The following PSMA6 variants were observed in gnomAD, a reference collection of about 807,000 sequenced individuals.
PSMA6 encodes the protein proteasome 20S subunit alpha 6, also known as proteasome subunit alpha type-6.
For synonymous variants in PSMA6, 88 were observed against 97.7 expected (o/e 0.90, Z 0.59); for missense variants, 170 against 294.8 (o/e 0.58, Z 3.10).
At chr14:35,299,022 C>T (rs1269127975) in intron 1 of PSMA6, among the ~76,000 whole-genome samples, 1 of 151,280 alleles carries the variant, frequency 6.6e-6, no homozygotes, top group African/African-American at 2.4e-5. Context: ...GCGTGAGTCA[C>T]TGCGTCCAGC....
chr14:35,290,035 T>C (rs2051461234), upstream of PSMA6, among the ~76,000 whole-genome samples: 2 of 151,460 alleles, frequency 1.3e-5, no homozygotes, highest in African/African-American at 4.9e-5. Flanking sequence ...TTGGAAAATG[T>C]GGTACAAGGG....
chr14:35,292,283 C>T, upstream of PSMA6: 7 of 1,401,498 alleles, frequency 5.0e-6, no homozygotes, highest in Non-Finnish European at 6.5e-6. Flanking sequence ...CTCACTCCAC[C>T]ACCCCCTTAG....
chr14:35,307,881 A>G, intron 1 of PSMA6, 113 bp from the exon 2 acceptor site: 1 of 942,278 alleles, frequency 1.1e-6, no homozygotes, highest in South Asian at 1.6e-5. Flanking sequence ...GGAATGCTAT[A>G]TGAGCATTCT....
chr14:35,285,601 A>G lies in PSMA6; in HGVS notation c.19+6883A>G, dbSNP rs935609608. 2.8e-4 allele frequency among the ~76,000 whole-genome samples: 42 copies of G among 152,228 alleles called. 1 individual carries two copies. Among genetic ancestry groups the G allele is most frequent in the African/African-American group, 9.9e-4 (41 of 41,472 alleles). ...AGCCAATTAGGAAACCTCAAGGAAGAGGAAGTGTCTCTAGGCTAAAGGGAA... is the reference window on the plus strand; with the variant it reads ...AGCCAATTAGGAAACCTCAAGGAAGGGGAAGTGTCTCTAGGCTAAAGGGAA... On this transcript the variant is annotated intron_variant, in intron 1 of 6. Coordinates refer to the PSMA6 transcript ENST00000540871.
In PSMA6 at chr14:35,308,058, T is replaced by G; in HGVS notation, c.141T>G (p.Cys47Trp). 6.2e-7 allele frequency: 1 copy of G among 1,614,010 alleles called. No homozygotes were observed. Among genetic ancestry groups the G allele is most frequent in the Non-Finnish European group, 8.5e-7 (1 of 1,179,902 alleles). Reference sequence around the variant, plus strand: ...CAGTAGCTGTCAGAGGGAAAGACTGTGCAGTAATTGTCACACAGAAGAAAG... The same window carrying G: ...CAGTAGCTGTCAGAGGGAAAGACTGGGCAGTAATTGTCACACAGAAGAAAG... Reference protein sequence around the residue: ...LTSVAVRGKDCAVIVTQKKVP... With the variant: ...LTSVAVRGKDWAVIVTQKKVP... The change falls in exon 2 of 7, where the codon TGT (cysteine) becomes TGG (tryptophan). Residue 47 changes from cysteine (C) to tryptophan (W), a missense_variant. By Grantham distance (215) the Cys-to-Trp change is radical. Coordinates refer to ENST00000261479, the MANE Select transcript of PSMA6 (RefSeq NM_002791.3).
chr14:35,315,582 C>T (rs1052597371), intron 6 of PSMA6: 3 of 151,484 alleles, frequency 2.0e-5, no homozygotes, highest in East Asian at 1.9e-4. Flanking sequence ...AAAAAACAAC[C>T]GACAACACCA....
intron 5 of PSMA6, chr14:35,314,154 G>A (rs1566563992): frequency 5.9e-6 from 2 of 338,528 alleles, no homozygotes; most frequent in Non-Finnish European, 1.0e-5. Context: ...TTTAATTAAT[G>A]GACCCCTTTA....
chr14:35,287,369 G>A (rs75464714), intron 1 of PSMA6, among the ~76,000 whole-genome samples: 34 of 152,290 alleles, frequency 2.2e-4, no homozygotes, highest in African/African-American at 8.2e-4. Flanking sequence ...CCAACTCACA[G>A]GGCACTGTGT....
chr14:35,298,444 C>T (rs554554881), intron 1 of PSMA6, among the ~76,000 whole-genome samples: 4 of 151,438 alleles, frequency 2.6e-5, no homozygotes, highest in Non-Finnish European at 4.4e-5. Flanking sequence ...GAGCTGAGAT[C>T]GCACTGCTGC....
rs2052065522 is a variant in PSMA6, at chr14:35,317,447, A to G, written c.*141A>G. 3.1e-6 allele frequency: 2 copies of G among 655,022 alleles called. No individual in the cohort carries two copies. The highest frequency in any genetic ancestry group is 5.2e-5 in the East Asian group (2 of 38,156). 40.6% of individuals were successfully genotyped at this position (655,022 alleles called of 1,614,324 possible). ...CACCGAAGTGGTTAGGACTCTATATAAATAAAAACAAGGCTTTTGGAAAAT... is the reference window on the plus strand; with the variant it reads ...CACCGAAGTGGTTAGGACTCTATATGAATAAAAACAAGGCTTTTGGAAAAT... On this transcript the variant is annotated 3_prime_UTR_variant, in exon 7 of 7. Transcript: ENST00000261479.
chr14:35,310,646 C>CTA (rs1194138320), intron 3 of PSMA6, 94 bp from the exon 4 acceptor site: 1 of 1,281,992 alleles, frequency 7.8e-7, no homozygotes, highest in Non-Finnish European at 1.1e-6. Context: ...TCATGTATGT[C>CTA]TATATGGTGG....
At chr14:35,292,961 T>C (rs1252167714) in intron 1 of PSMA6, 1 of 462,656 alleles carries the variant, frequency 2.2e-6, no homozygotes, top group Non-Finnish European at 4.3e-6. Context: ...AGCATGGACT[T>C]CTGTGGTTAA....
At chr14:35,310,229 G>A (rs796448414) in intron 3 of PSMA6, 89 of 417,004 alleles carry the variant, frequency 2.1e-4, no homozygotes, top group African/African-American at 1.8e-3. Context: ...TCACTTTGTC[G>A]CCCAGGCTGC....
chr14:35,317,230 TC>T lies in PSMA6; in HGVS notation c.684-14del, dbSNP rs1192989558. 1.2e-6 allele frequency: 2 copies of T among 1,610,090 alleles called. No homozygotes were observed. Among genetic ancestry groups the T allele is most frequent in the Admixed American group, 1.7e-5 (1 of 59,980 alleles). On this transcript the variant is annotated intron_variant, in intron 6 of 6. Coordinates refer to ENST00000261479, the MANE Select transcript of PSMA6 (RefSeq NM_002791.3). ...AATTTTTTTTAAATCGTTGTTTTTT[TC>T]CCCCTTTTGCCTTCTAGGATTCTTA...
At chr14:35,302,205 G>A (rs2051727811) in intron 1 of PSMA6, among the ~76,000 whole-genome samples, 1 of 152,130 alleles carries the variant, frequency 6.6e-6, no homozygotes. Context: ...CAAAGAACCA[G>A]TTTTTGACTT....
chr14:35,310,351 T>G (rs908589218), intron 3 of PSMA6: 1 of 350,698 alleles, frequency 2.9e-6, no homozygotes, highest in Non-Finnish European at 5.5e-6. Context: ...AGACAGGATT[T>G]AGCCATGTTG....
At chr14:35,313,236 TA>T (rs2051978390) in intron 5 of PSMA6, 177 bp downstream of exon 5, 1 of 550,502 alleles carries the variant, frequency 1.8e-6, no homozygotes, top group Non-Finnish European at 3.0e-6. Flanking sequence ...TTTATTCACT[TA>T]ATTCCTTATT....
At position 35,279,847 on chromosome 14, in the gene PSMA6, G is replaced by A. The variant is rs148173096; in HGVS notation, c.19+1129G>A. On this transcript the variant is annotated intron_variant, in intron 1 of 6. Transcript: ENST00000540871. ...GTTATAAGAATGTACTTTTCGGGCC[G>A]GGCGTGGTGGCTCACGCCTGTAATC... is the stretch of plus-strand genomic sequence containing the variant. Among the ~76,000 whole-genome samples the A allele has an allele frequency of 2.6e-3, 398 of 152,202 alleles. 1 individual carries two copies. Among genetic ancestry groups the A allele is most frequent in the African/African-American group, 9.1e-3 (377 of 41,518 alleles).
intron 1 of PSMA6, among the ~76,000 whole-genome samples, chr14:35,300,336 G>A (rs938032718): frequency 3.3e-5 from 5 of 152,052 alleles, no homozygotes; most frequent in African/African-American, 1.2e-4. Flanking sequence ...AGCCAGGTGT[G>A]GTAGTACACA....
Sources: allele counts gnomAD v4.1 joint callset (sites outside exome capture counted in the v4.1 genomes callset), GRCh38; gene constraint gnomAD v4.1.1; transcripts MANE v1.5; gene names NCBI Gene and HGNC (gene_info 2026-07-23, HGNC 2026-07-21).